The following ARMC9 variants were observed in gnomAD, a reference collection of about 807,000 sequenced individuals.
The protein encoded by ARMC9 is armadillo repeat containing 9, also known as lisH domain-containing protein ARMC9.
ARMC9 carries 94 observed loss-of-function variants against 107.0 expected under a neutral mutation model. The observed-to-expected ratio is 0.88, with a 90% CI of 0.74 to 1.04. The LOEUF is 1.04. ARMC9 is among the 50% of genes least tolerant of loss of function. ARMC9 has a pLI of 0.00. For synonymous variants in ARMC9, 380 were observed against 396.9 expected, an observed-to-expected ratio of 0.96 and a Z score of 0.51; for missense variants, 942 against 1,030.1, an observed-to-expected ratio of 0.91 and a Z score of 1.17.
At chr2:231,332,928 G>A (rs940485795) in intron 20 of ARMC9, among the ~76,000 whole-genome samples, 4 of 152,208 alleles carry the variant, frequency 2.6e-5, no homozygotes, top group East Asian at 1.9e-4. Context: ...TGGAGAAGAA[G>A]GGTGGAGCCA....
rs1157999326 is a variant in ARMC9 at position 231,376,423 on chromosome 2, CT to C, written c.*4889del. Among the ~76,000 whole-genome samples, 2 of 152,120 alleles carry C rather than the reference CT, an allele frequency of 1.3e-5. No homozygotes were observed. Among genetic ancestry groups the C allele is most frequent in the Non-Finnish European group, 2.9e-5 (2 of 68,022 alleles). ...GGGGTGGGTCTCTGAACTGGCCCCC[CT>C]CCCCCGGGGGCGTGGTCGTCTCTTA... On this transcript the variant is annotated 3_prime_UTR_variant, in exon 25 of 25. Coordinates refer to ENST00000611582, the MANE Select transcript of ARMC9 (RefSeq NM_001352754.2).
At chr2:231,270,776 G>A in intron 12 of ARMC9, 1 of 685,120 alleles carries the variant, frequency 1.5e-6, no homozygotes, top group Non-Finnish European at 2.7e-6. Flanking sequence ...CATTTAATTT[G>A]GAAGTCTGAC....
At chr2:231,286,407 G>A (rs527241192) in intron 17 of ARMC9, among the ~76,000 whole-genome samples, 3 of 152,268 alleles carry the variant, frequency 2.0e-5, no homozygotes, top group East Asian at 1.9e-4. Context: ...GAGCCACCGC[G>A]CCCGGTGCCT....
At chr2:231,200,134 T>C (rs557631423) in intron 1 of ARMC9, among the ~76,000 whole-genome samples, 7 of 152,252 alleles carry the variant, frequency 4.6e-5, no homozygotes, top group African/African-American at 1.7e-4. Flanking sequence ...TTAGGCACAG[T>C]GGTTAACCAG....
At chr2:231,324,369 G>T (rs181983894) in intron 19 of ARMC9, among the ~76,000 whole-genome samples, 1 of 149,390 alleles carries the variant, frequency 6.7e-6, no homozygotes, top group African/African-American at 2.5e-5. Flanking sequence ...CTCGTAATCC[G>T]CCCACCTCGG....
chr2:231,361,747 C>G (rs539818157), intron 23 of ARMC9, among the ~76,000 whole-genome samples: 1 of 152,292 alleles, frequency 6.6e-6, no homozygotes, highest in South Asian at 2.1e-4. Context: ...AGGAAGCCAA[C>G]CTCCTGCGGT....
intron 21 of ARMC9, among the ~76,000 whole-genome samples, chr2:231,345,856 T>G (rs2044789346): frequency 6.6e-6 from 1 of 152,260 alleles, no homozygotes; most frequent in Non-Finnish European, 1.5e-5. Flanking sequence ...AACTGGGCAC[T>G]TTATTTTTTC....
chr2:231,310,204 C>T (rs544875178), intron 19 of ARMC9, among the ~76,000 whole-genome samples: 25 of 151,784 alleles, frequency 1.6e-4, no homozygotes, highest in African/African-American at 6.0e-4. Flanking sequence ...CACCTGAGGT[C>T]GGGAGTTCGC....
At chr2:231,242,535 C>T (rs1055879025) in intron 9 of ARMC9, among the ~76,000 whole-genome samples, 1 of 152,184 alleles carries the variant, frequency 6.6e-6, no homozygotes, top group Non-Finnish European at 1.5e-5. Context: ...CTTGAAGCCA[C>T]ATCCCCGAGA....
At chr2:231,257,327 G>A (rs1207158909) in intron 10 of ARMC9, among the ~76,000 whole-genome samples, 2 of 152,200 alleles carry the variant, frequency 1.3e-5, no homozygotes, top group Non-Finnish European at 2.9e-5. Flanking sequence ...CTCCTGTCCT[G>A]ATGAGTTGGG....
At chr2:231,211,157 C>T (rs1313454851) in intron 3 of ARMC9, among the ~76,000 whole-genome samples, 1 of 149,848 alleles carries the variant, frequency 6.7e-6, no homozygotes, top group East Asian at 1.9e-4. Flanking sequence ...CACACACACA[C>T]ACCCCCACAG....
At chr2:231,317,462 C>T (rs1312488247) in intron 19 of ARMC9, among the ~76,000 whole-genome samples, 2 of 152,192 alleles carry the variant, frequency 1.3e-5, no homozygotes, top group South Asian at 2.1e-4. Context: ...TGAGCCACTG[C>T]ACCCGGCCTG....
At chr2:231,251,161 T>C (rs1298895124) in intron 9 of ARMC9, among the ~76,000 whole-genome samples, 1 of 152,038 alleles carries the variant, frequency 6.6e-6, no homozygotes, top group African/African-American at 2.4e-5. Context: ...TCTTTTCTTT[T>C]TCTGTTTCTT....
intron 19 of ARMC9, among the ~76,000 whole-genome samples, chr2:231,303,773 A>G (rs1286332502): frequency 5.3e-5 from 8 of 152,140 alleles, no homozygotes; most frequent in Admixed American, 3.9e-4. Flanking sequence ...CCCCATTTCT[A>G]CTAAAATACA....
chr2:231,215,042 T>C, intron 4 of ARMC9, 41 bp downstream of exon 4: 1 of 1,593,914 alleles, frequency 6.3e-7, no homozygotes. Context: ...GAGTGGTGTG[T>C]TAAGGAACAG....
In ARMC9 at chr2:231,262,295, C is replaced by A. The variant is rs143246870; in HGVS notation, c.1027-11C>A. The A allele has an allele frequency of 3.9e-4, 636 of 1,613,990 alleles. 2 individuals carry two copies. In the African/African-American group the frequency reaches 7.8e-3, roughly 20 times the overall value. On this transcript the variant is annotated splice_polypyrimidine_tract_variant and intron_variant, in intron 11 of 24. Coordinates refer to ENST00000611582, the MANE Select transcript of ARMC9 (RefSeq NM_001352754.2). ...CTTAGGTCTCACTACTTTTGTTTTT[C>A]TTTGCTCCAGCGCTTGACCACATCC... is the stretch of plus-strand genomic sequence containing the variant.
chr2:231,300,420 A>G (rs2041649685), intron 19 of ARMC9, among the ~76,000 whole-genome samples: 3 of 152,252 alleles, frequency 2.0e-5, no homozygotes, highest in Non-Finnish European at 4.4e-5. Context: ...TCTGTGGTTT[A>G]AAATACCTCC....
At chr2:231,224,448 G>A (rs531235642) in intron 6 of ARMC9, among the ~76,000 whole-genome samples, 54 of 152,220 alleles carry the variant, frequency 3.5e-4, no homozygotes, top group Non-Finnish European at 6.5e-4. Context: ...GTGAGACCCT[G>A]TCTCAAAAAA....
chr2:231,370,900 G>T (rs1031579313), intron 24 of ARMC9: 1 of 335,572 alleles, frequency 3.0e-6, no homozygotes, highest in Admixed American at 3.7e-5. Flanking sequence ...GCATTTCTTT[G>T]GCCGCCCCCA....
Sources: gnomAD v4.1 joint callset for allele counts (sites outside exome capture counted in the v4.1 genomes callset) on GRCh38, gnomAD v4.1.1 for gene constraint, MANE v1.5 for transcripts, NCBI Gene and HGNC (gene_info 2026-07-23, HGNC 2026-07-21) for gene names.